PIKFYVE: variants seen among roughly 807,000 people sequenced by gnomAD.
PIKFYVE encodes the protein phosphoinositide kinase, FYVE-type zinc finger containing.
A neutral mutation model predicts 257.9 loss-of-function variants in PIKFYVE; 122 were observed. That is an observed-to-expected ratio of 0.47 (90% CI 0.41 to 0.55). The LOEUF (loss-of-function observed/expected upper bound fraction) is 0.55, where lower values mean the gene tolerates loss of function less well. PIKFYVE is among the 20% of genes least tolerant of loss of function. The pLI is 0.00. For synonymous variants in PIKFYVE, 892 were observed against 868.9 expected, an observed-to-expected ratio of 1.03 and a Z score of -0.47; for missense variants, 2,160 against 2,536.6, an observed-to-expected ratio of 0.85 and a Z score of 3.19.
At chr2:208,303,562 C>T (rs1272508548) in intron 10 of PIKFYVE, among the ~76,000 whole-genome samples, 1 of 152,148 alleles carries the variant, frequency 6.6e-6, no homozygotes, top group African/African-American at 2.4e-5. Context: ...AATGGATCAT[C>T]ACAAACGTCT....
intron 8 of PIKFYVE, 139 bp downstream of exon 8, chr2:208,298,918 C>G (rs766713590): frequency 2.2e-4 from 233 of 1,057,414 alleles, no homozygotes; most frequent in East Asian, 5.0e-4. Flanking sequence ...TCTTGGCTCC[C>G]TGCAACCTCT....
intron 1 of PIKFYVE, among the ~76,000 whole-genome samples, chr2:208,271,157 T>C (rs185908400): frequency 6.6e-6 from 1 of 152,230 alleles, no homozygotes; most frequent in African/African-American, 2.4e-5. Flanking sequence ...TTCCGAAACA[T>C]CTTAAAATGA....
chr2:208,280,284 A>C (rs1690639837), intron 5 of PIKFYVE, among the ~76,000 whole-genome samples: 1 of 152,200 alleles, frequency 6.6e-6, no homozygotes, highest in Non-Finnish European at 1.5e-5. Flanking sequence ...CAGGGAACAA[A>C]TATAGGGATT....
chr2:208,336,848 C>T lies in PIKFYVE; in HGVS notation c.4531C>T (p.Leu1511Phe). The T allele has an allele frequency of 6.2e-7, 1 of 1,612,406 alleles. No individual in the cohort carries two copies. Among genetic ancestry groups the T allele is most frequent in the Admixed American group, 1.7e-5 (1 of 59,974 alleles). ...TGCTTTTGGCCACAGGTTGCAGGAC[C>T]TTTTCCAACAGGAAAAGGGTAGAAA... ...LQAWNNRLQDLFQQEKGRKRP... is the reference protein window; with the variant it reads ...LQAWNNRLQDFFQQEKGRKRP... Residue 1511 changes from leucine (L) to phenylalanine (F), a missense_variant, in exon 28 of 42, where the codon CTT becomes TTT. By Grantham distance (22) the Leu-to-Phe change is conservative (BLOSUM62 0). This residue lies in a region of PIKFYVE where 699 missense variants were observed against 855.8 expected (regional missense o/e 0.82). Coordinates refer to ENST00000264380, the MANE Select transcript of PIKFYVE (RefSeq NM_015040.4).
intron 11 of PIKFYVE, 34 bp from the exon 12 acceptor site, chr2:208,304,812 C>T (rs776235708): frequency 1.9e-6 from 3 of 1,596,506 alleles, no homozygotes; most frequent in Admixed American, 3.3e-5. Context: ...CCCCTCCTCT[C>T]CCTATATTTC....
chr2:208,268,423 CTTTTT>C (rs35632672), intron 1 of PIKFYVE, among the ~76,000 whole-genome samples: 5 of 78,678 alleles, frequency 6.4e-5, no homozygotes, highest in Admixed American at 1.5e-4. Context: ...CTCCAGAGCT[CTTTTT>C]TTTTTTTTTT....
At chr2:208,315,076 T>A (rs1294642174) in intron 14 of PIKFYVE, 117 bp from the exon 15 acceptor site, 6 of 962,464 alleles carry the variant, frequency 6.2e-6, no homozygotes, top group Non-Finnish European at 9.6e-6. Context: ...TAGAAAATCT[T>A]ATCTGTGAGC....
chr2:208,322,580 T>G (rs1191093620), intron 17 of PIKFYVE, among the ~76,000 whole-genome samples: 1 of 151,728 alleles, frequency 6.6e-6, no homozygotes, highest in African/African-American at 2.4e-5. Flanking sequence ...ATAATCAAGT[T>G]TAGAATGATG....
intron 21 of PIKFYVE, among the ~76,000 whole-genome samples, chr2:208,329,117 GACAT>G (rs997329883): frequency 6.6e-6 from 1 of 152,040 alleles, no homozygotes; most frequent in African/African-American, 2.4e-5. Context: ...ACCTCACACA[GACAT>G]ACATAGCCTT....
chr2:208,303,341 C>A (rs190319890), intron 10 of PIKFYVE, among the ~76,000 whole-genome samples: 1 of 151,710 alleles, frequency 6.6e-6, no homozygotes, highest in Non-Finnish European at 1.5e-5. Flanking sequence ...GGATACTGAC[C>A]CCCTGTATAG....
At position 208,298,765 on chromosome 2, in the gene PIKFYVE, C is replaced by T. The variant is rs61752183; in HGVS notation, c.1036C>T (p.Arg346Cys). 1.2e-5 allele frequency: 20 copies of T among 1,613,968 alleles called. No homozygotes were observed. Among genetic ancestry groups the T allele is most frequent in the Non-Finnish European group, 1.5e-5 (18 of 1,179,986 alleles). The part of the protein sequence containing the change: ...YVRTETTEDE[R>C]KILLDSVQLK... ...TAGGACAGAGACCACTGAGGATGAA[C>T]GCAAAATTCTTCTGGTACTGGTCCA... The change falls in exon 8 of 42, where the codon CGC becomes TGC. Residue 346 changes from arginine (R) to cysteine (C), a missense_variant. By Grantham distance (180) the Arg-to-Cys change is radical. Around this residue, in one of 12 missense-constraint regions of PIKFYVE, gnomAD observed 187 missense variants for 185.6 expected, o/e 1.01. Coordinates refer to ENST00000264380, the MANE Select transcript of PIKFYVE (RefSeq NM_015040.4).
At chr2:208,288,077 G>A (rs185016912) in intron 6 of PIKFYVE, among the ~76,000 whole-genome samples, 11 of 152,216 alleles carry the variant, frequency 7.2e-5, no homozygotes, top group African/African-American at 2.2e-4. Context: ...AGGCCCTGTC[G>A]TAATGGGCAG....
At chr2:208,295,699 T>C (rs1363319282) in intron 7 of PIKFYVE, among the ~76,000 whole-genome samples, 2 of 152,198 alleles carry the variant, frequency 1.3e-5, no homozygotes, top group African/African-American at 2.4e-5. Context: ...GTTTATCCCA[T>C]TGGTGTTGTT....
chr2:208,317,800 C>A, intron 15 of PIKFYVE, 67 bp from the exon 16 acceptor site: 1 of 1,369,220 alleles, frequency 7.3e-7, no homozygotes, highest in Non-Finnish European at 1.0e-6. Flanking sequence ...GAAATAATAG[C>A]GTACATCTAA....
chr2:208,267,464 T>G (rs889591663), intron 1 of PIKFYVE, among the ~76,000 whole-genome samples: 5 of 151,232 alleles, frequency 3.3e-5, no homozygotes, highest in Admixed American at 6.6e-5. Context: ...GAAGCTAACA[T>G]TTCCAATATT....
chr2:208,274,008 T>A, intron 3 of PIKFYVE: 2 of 1,611,302 alleles, frequency 1.2e-6, no homozygotes, highest in Non-Finnish European at 1.7e-6. Flanking sequence ...ATTACTTGCT[T>A]GGGTTTCAGC....
intron 5 of PIKFYVE, among the ~76,000 whole-genome samples, chr2:208,278,080 G>A (rs1459949002): frequency 6.6e-6 from 1 of 152,170 alleles, no homozygotes; most frequent in Non-Finnish European, 1.5e-5. Flanking sequence ...GCAGTGAATT[G>A]TGTCTTACTC....
chr2:208,319,628 C>G (rs1335472908), intron 16 of PIKFYVE, among the ~76,000 whole-genome samples: 1 of 152,150 alleles, frequency 6.6e-6, no homozygotes, highest in East Asian at 1.9e-4. Flanking sequence ...GTTTGGGGTC[C>G]ATAAACTTGG....
chr2:208,322,743 A>C (rs561587066), intron 17 of PIKFYVE, among the ~76,000 whole-genome samples: 2 of 151,688 alleles, frequency 1.3e-5, no homozygotes, highest in East Asian at 3.9e-4. Context: ...CATGTGCACA[A>C]TGTGCAGGTT....
Sources: allele counts gnomAD v4.1 joint callset (sites outside exome capture counted in the v4.1 genomes callset), GRCh38; gene constraint gnomAD v4.1.1; regional missense constraint gnomAD v4.1.1; transcripts MANE v1.5; gene names NCBI Gene and HGNC (gene_info 2026-07-23, HGNC 2026-07-21).